ALAS2: variants seen among roughly 807,000 people sequenced by gnomAD.
ALAS2 encodes 5'-aminolevulinate synthase 2.
Under a neutral mutation model 33.7 loss-of-function variants are expected in ALAS2, and 3 were observed. The ratio of observed to expected loss-of-function variants is 0.09; its 90% CI spans 0.04 to 0.23. The LOEUF (loss-of-function observed/expected upper bound fraction) is 0.23, where lower values mean the gene tolerates loss of function less well. ALAS2 is among the 10% of genes least tolerant of loss of function. The probability of loss-of-function intolerance (pLI) is 1.00; values close to 1 mark genes in which losing one functional copy is unlikely to be tolerated. For missense variants in ALAS2, 304 were observed against 475.1 expected (o/e 0.64, Z 3.35); for synonymous variants, 191 against 177.3 (o/e 1.08, Z -0.61).
At position 55,013,558 on chromosome X, in the gene ALAS2, G is replaced by A. The variant is rs1409661438; in HGVS notation, c.1528C>T (p.Pro510Ser). ...AAGCGCAGGAGCTCTTCACCCCGGG[G>A]GACAGTTGGGTAGTTGATGGCCTGC... ...YVQAINYPTVPRGEELLRLAP... is the reference protein window; with the variant it reads ...YVQAINYPTVSRGEELLRLAP... The change falls in exon 10 of 11, where the codon CCC (proline) becomes TCC (serine). Residue 510 changes from proline (P) to serine (S), a missense_variant. Around this residue, in one of 3 missense-constraint regions of ALAS2, gnomAD observed 95 missense variants for 127.0 expected, o/e 0.75. Coordinates refer to ENST00000650242, the MANE Select transcript of ALAS2 (RefSeq NM_000032.5). The A allele has an allele frequency of 4.1e-6, 5 of 1,211,282 alleles. No individual in the cohort carries two copies. Among genetic ancestry groups the A allele is most frequent in the Non-Finnish European group, 4.5e-6 (4 of 895,378 alleles).
rs995105514 is a variant in ALAS2 at position 55,024,016 on chromosome X, G to A, written c.305-149C>T. 5 of 496,310 alleles carry A rather than the reference G, an allele frequency of 1.0e-5. No individual in the cohort carries two copies. The Admixed American group carries it at 1.5e-4, about 14-fold the overall frequency. The allele number at this position is 496,310 out of a possible 1,213,427, so 40.9% of individuals were successfully genotyped here. On this transcript the variant is annotated intron_variant, in intron 3 of 10. Coordinates refer to ENST00000650242, the MANE Select transcript of ALAS2 (RefSeq NM_000032.5). ...ACAGCGAGAAGAAATCTTCTCCAAG[G>A]TGAGCTTCTATTTATCCCCCCGAAT...
intron 9 of ALAS2, among the ~76,000 whole-genome samples, chrX:55,013,960 C>G (rs1602244853): frequency 9.1e-6 from 1 of 110,421 alleles, no homozygotes; most frequent in Non-Finnish European, 1.9e-5. Context: ...AGAAGATACC[C>G]CCCACCAAGC....
At position 55,025,327 on chromosome X, in the gene ALAS2, GTTTCTTTTCT is replaced by G. The variant is rs763869257; in HGVS notation, c.181+483_182-488del. On this transcript the variant is annotated intron_variant, in intron 2 of 10. Transcript: ENST00000650242. Reference sequence around the variant, plus strand: ...GTGTGAGGGACATGACAGTGAGACTGTTTCTTTTCTTTTCTTTTCTTTTCTTTGACAGATT... The same window carrying G: ...GTGTGAGGGACATGACAGTGAGACTGTTTCTTTTCTTTTCTTTGACAGATT... 1.8e-4 allele frequency among the ~76,000 whole-genome samples: 20 copies of G among 111,213 alleles called. No individual in the cohort carries two copies. In the South Asian group the frequency reaches 3.0e-3, roughly 17 times the overall value.
At position 55,014,909 on chromosome X, in the gene ALAS2, G is replaced by A. The variant is rs1259617900; in HGVS notation, c.1275C>T (p.Pro425=). 1.7e-6 allele frequency: 2 copies of A among 1,206,682 alleles called. No homozygotes were observed. The highest frequency in any genetic ancestry group is 1.7e-5 in the African/African-American group (1 of 57,348). ...ATTCTAGAGCTCCAGAGAGCACCAT[G>A]GGGGGCAGAGAAGTGGTAAAGATGA... The part of the protein sequence containing the change: ...AGFIFTTSLP[P]MVLSGALESV... The change falls in exon 9 of 11, where the codon CCC becomes CCT. Residue 425 remains proline (P), a synonymous_variant. Coordinates refer to ENST00000650242, the MANE Select transcript of ALAS2 (RefSeq NM_000032.5).
At chrX:55,020,987 T>C in intron 5 of ALAS2, 65 bp downstream of exon 5, 4 of 1,065,041 alleles carry the variant, frequency 3.8e-6, no homozygotes, top group Non-Finnish European at 3.9e-6. Context: ...TGCCTTTTTT[T>C]TTTTTCCATG....
intron 10 of ALAS2, among the ~76,000 whole-genome samples, chrX:55,011,261 A>G (rs911736176): frequency 6.2e-5 from 7 of 112,092 alleles, no homozygotes; most frequent in Non-Finnish European, 9.4e-5. Context: ...TCCAATCTCT[A>G]TATTTGTTTA....
At chrX:55,026,941 A>G (rs1935902099) in intron 1 of ALAS2, among the ~76,000 whole-genome samples, 1 of 111,225 alleles carries the variant, frequency 9.0e-6, no homozygotes, top group Non-Finnish European at 1.9e-5. Context: ...GAAAGTAGAG[A>G]GAGAACAAAG....
At chrX:55,009,716 G>A (rs768213588) in intron 10 of ALAS2, among the ~76,000 whole-genome samples, 17 of 110,922 alleles carry the variant, frequency 1.5e-4, no homozygotes, top group South Asian at 3.9e-4. Context: ...CTATGACCAG[G>A]AAACCTGGGG....
intron 6 of ALAS2, among the ~76,000 whole-genome samples, chrX:55,019,426 A>G (rs1935760793): frequency 9.0e-6 from 1 of 111,377 alleles, no homozygotes; most frequent in Non-Finnish European, 1.9e-5. Context: ...GCTGTCTGGT[A>G]TCTTCTATTT....
At chrX:55,016,966 C>T (rs1166742522) in intron 7 of ALAS2, among the ~76,000 whole-genome samples, 1 of 111,926 alleles carries the variant, frequency 8.9e-6, no homozygotes, top group Admixed American at 9.5e-5. Flanking sequence ...ATGCTTCATA[C>T]TGGACCTTGA....
chrX:55,027,850 T>G, intron 1 of ALAS2: 1 of 1,112,840 alleles, frequency 9.0e-7, no homozygotes, highest in Non-Finnish European at 1.2e-6. Flanking sequence ...GGCCAAGGCA[T>G]GTGGGCCCTG....
chrX:55,014,849 G>A lies in ALAS2; in HGVS notation c.1335C>T (p.Ala445=), dbSNP rs765603040. The change falls in exon 9 of 11, where the codon GCC becomes GCT. Residue 445 remains alanine, a synonymous_variant. Coordinates refer to ENST00000650242, the MANE Select transcript of ALAS2 (RefSeq NM_000032.5). ...CATTGCGCTGGTGGGCTCGCCTCAG[G>A]GCTTGGCCCTCCTCTCCCTTGAGCA... is the stretch of plus-strand genomic sequence containing the variant. ...VRLLKGEEGQ[A]LRRAHQRNVK... is the part of the protein sequence containing the mutation. 2 of 1,206,438 alleles carry A rather than the reference G, an allele frequency of 1.7e-6. No individual in the cohort carries two copies. The highest frequency in any genetic ancestry group is 2.2e-6 in the Non-Finnish European group (2 of 892,826).
At chrX:55,024,865 TG>T in intron 2 of ALAS2, 25 bp from the exon 3 acceptor site, 1 of 1,210,423 alleles carries the variant, frequency 8.3e-7, no homozygotes, top group Non-Finnish European at 1.1e-6. Context: ...GAGAGTAATT[TG>T]GGGTGCATTT....
At chrX:55,017,407 ATCG>A in intron 7 of ALAS2, 76 bp downstream of exon 7, 1 of 922,475 alleles carries the variant, frequency 1.1e-6, no homozygotes, top group Non-Finnish European at 1.6e-6. Context: ...TTATAATGTT[ATCG>A]TCATCATCAT....
chrX:55,026,438 T>A (rs1156776321), intron 1 of ALAS2, among the ~76,000 whole-genome samples: 7 of 112,356 alleles, frequency 6.2e-5, no homozygotes, highest in Non-Finnish European at 1.1e-4. Flanking sequence ...AGCCTGCTAA[T>A]GCAAACATAT....
intron 4 of ALAS2, 125 bp downstream of exon 4, chrX:55,023,632 A>T: frequency 1.7e-6 from 1 of 592,689 alleles, no homozygotes; most frequent in Non-Finnish European, 2.7e-6. Flanking sequence ...GCCAGCATTA[A>T]ATTTTAAACT....
intron 6 of ALAS2, 81 bp from the exon 7 acceptor site, chrX:55,017,746 AG>A: frequency 9.8e-7 from 1 of 1,016,531 alleles, no homozygotes; most frequent in Non-Finnish European, 1.4e-6. Flanking sequence ...GGCAAAGAAA[AG>A]GGCCAACCCT....
chrX:55,019,077 G>A (rs749428310), intron 6 of ALAS2, among the ~76,000 whole-genome samples: 15 of 111,335 alleles, frequency 1.3e-4, no homozygotes, highest in African/African-American at 2.3e-4. Flanking sequence ...TAGTAAGAGC[G>A]AAGACTTCTC....
At chrX:55,028,248 A>G (rs1935926270) in intron 1 of ALAS2, among the ~76,000 whole-genome samples, 1 of 110,928 alleles carries the variant, frequency 9.0e-6, no homozygotes, top group Non-Finnish European at 1.9e-5. Context: ...CCACTCCCCA[A>G]GCTGAGACCA....
Sources: gnomAD v4.1 joint callset for allele counts (sites outside exome capture counted in the v4.1 genomes callset) on GRCh38, gnomAD v4.1.1 for gene constraint, gnomAD v4.1.1 regional missense constraint, MANE v1.5 for transcripts, NCBI Gene and HGNC (gene_info 2026-07-23, HGNC 2026-07-21) for gene names.